Variants in USP34 observed in about 807,000 individuals in gnomAD.
The protein encoded by USP34 is ubiquitin carboxyl-terminal hydrolase 34.
USP34 carries 70 observed loss-of-function variants against 460.3 expected under a neutral mutation model. That is an observed-to-expected ratio of 0.15 (90% CI 0.13 to 0.19). The LOEUF is 0.19. USP34 is among the 10% of genes least tolerant of loss of function. The pLI is 1.00. For missense variants in USP34, 3,985 were observed against 4,236.2 expected (o/e 0.94, Z 1.65); for synonymous variants, 1,647 against 1,405.3 (o/e 1.17, Z -3.85).
rs191250105 is a variant in USP34, at chr2:61,387,809, G to A, written c.754-4473C>T. 2.6e-3 allele frequency among the ~76,000 whole-genome samples: 367 copies of A among 141,356 alleles called. 4 individuals carry two copies. The highest frequency in any genetic ancestry group is 0.02 in the East Asian group (98 of 4,916). The allele number at this position is 141,356 out of a possible 152,430, so 92.7% of individuals were successfully genotyped here. A position where few individuals can be genotyped will look rare whatever the true frequency, so the allele number is the denominator to read the frequency against. On this transcript the variant is annotated intron_variant, in intron 5 of 79. Transcript: ENST00000398571. ...ACACACATGTAAAAATATATTTTAC[G>A]TATACACACATGTAAAAATATATTT...
intron 1 of USP34, among the ~76,000 whole-genome samples, chr2:61,430,300 A>C (rs1205472045): frequency 1.3e-5 from 2 of 152,134 alleles, no homozygotes; most frequent in Non-Finnish European, 2.9e-5. Context: ...GCTACTCAGT[A>C]GGCTGAGGCA....
At position 61,190,390 on chromosome 2, in the gene USP34, C is replaced by T. The variant is rs1686600882; in HGVS notation, c.9754G>A (p.Ala3252Thr). The T allele has an allele frequency of 6.2e-7, 1 of 1,609,456 alleles. No homozygotes were observed. The highest frequency in any genetic ancestry group is 8.5e-7 in the Non-Finnish European group (1 of 1,178,726). The change falls in exon 78 of 80, where the codon GCA (alanine) becomes ACA (threonine). Residue 3252 changes from alanine to threonine, a missense_variant. Coordinates refer to ENST00000398571, the MANE Select transcript of USP34 (RefSeq NM_014709.4). Reference protein sequence around the residue: ...LKVQSQVFSEANCANLISTLI... With the variant: ...LKVQSQVFSETNCANLISTLI... The stretch of plus-strand genomic sequence containing the variant: ...GTGCTGATCAAATTGGCACAGTTTG[C>T]TTCAGAAAACACTTGACTTTGAACC...
At chr2:61,440,387 C>A (rs896026701) in intron 1 of USP34, among the ~76,000 whole-genome samples, 2 of 152,152 alleles carry the variant, frequency 1.3e-5, no homozygotes, top group Admixed American at 1.3e-4. Context: ...AATGTCATGG[C>A]AGCTGTGCCC....
At chr2:61,320,947 T>C (rs1429476836) in intron 21 of USP34, among the ~76,000 whole-genome samples, 1 of 150,582 alleles carries the variant, frequency 6.6e-6, no homozygotes, top group East Asian at 2.0e-4. Flanking sequence ...GAGGTGGAGG[T>C]TGCAGTGAGC....
Position 61,221,580 on chromosome 2 carries a change from C to G in USP34, c.7821G>C (p.Leu2607Phe). The G allele has an allele frequency of 6.2e-7, 1 of 1,614,022 alleles. No individual in the cohort carries two copies. Among genetic ancestry groups the G allele is most frequent in the Non-Finnish European group, 8.5e-7 (1 of 1,179,964 alleles). Residue 2607 changes from leucine to phenylalanine, a missense_variant, in exon 66 of 80, where the codon TTG becomes TTC. By Grantham distance (22) the Leu-to-Phe change is conservative. Transcript: ENST00000398571. ...CACCAGCAAACTCCATTAGCATAGTCAACAACTTAAAGAAAGGATTGGCTG... is the reference window on the plus strand; with the variant it reads ...CACCAGCAAACTCCATTAGCATAGTGAACAACTTAAAGAAAGGATTGGCTG... ...PEAANPFFKL[L>F]TMLMEFAGGP...
At chr2:61,359,704 T>TA (rs768522756) in intron 10 of USP34, among the ~76,000 whole-genome samples, 24 of 143,378 alleles carry the variant, frequency 1.7e-4, no homozygotes, top group Non-Finnish European at 2.9e-4. Context: ...CCATTCATGA[T>TA]AAAAACGCTC....
At chr2:61,318,638 T>A (rs1183272420) in intron 22 of USP34, among the ~76,000 whole-genome samples, 1 of 152,214 alleles carries the variant, frequency 6.6e-6, no homozygotes, top group Non-Finnish European at 1.5e-5. Flanking sequence ...CAGAAAAATG[T>A]CACCTGAACT....
intron 62 of USP34, among the ~76,000 whole-genome samples, chr2:61,225,893 T>C (rs1687712312): frequency 6.6e-6 from 1 of 152,228 alleles, no homozygotes; most frequent in African/African-American, 2.4e-5. Context: ...CTATAAGTCA[T>C]ATCATGGCCT....
chr2:61,384,900 A>C (rs1693089369), intron 5 of USP34, among the ~76,000 whole-genome samples: 1 of 152,114 alleles, frequency 6.6e-6, no homozygotes, highest in Non-Finnish European at 1.5e-5. Flanking sequence ...AATAAAAGGC[A>C]AAGGACTAGA....
chr2:61,217,214 C>A (rs916911101), intron 67 of USP34, among the ~76,000 whole-genome samples: 1 of 152,198 alleles, frequency 6.6e-6, no homozygotes, highest in African/African-American at 2.4e-5. Flanking sequence ...TTTGGAAGAA[C>A]AGGCCATCTT....
chr2:61,194,232 A>T (rs1686727891), intron 75 of USP34: 2 of 985,274 alleles, frequency 2.0e-6, no homozygotes, highest in Non-Finnish European at 1.2e-6. Flanking sequence ...GTCCCTTTAG[A>T]CACAAGAGGC....
chr2:61,220,856 G>A (rs773422582), intron 66 of USP34, among the ~76,000 whole-genome samples: 1 of 152,192 alleles, frequency 6.6e-6, no homozygotes, highest in African/African-American at 2.4e-5. Context: ...TACTGCTGTG[G>A]AGAGTTTCTT....
intron 67 of USP34, among the ~76,000 whole-genome samples, chr2:61,219,907 T>C (rs1687509904): frequency 6.6e-6 from 1 of 152,152 alleles, no homozygotes; most frequent in African/African-American, 2.4e-5. Flanking sequence ...AGATCTTTTT[T>C]ACTGGCTTGT....
At chr2:61,261,105 C>T (rs982375011) in intron 43 of USP34, among the ~76,000 whole-genome samples, 1 of 152,136 alleles carries the variant, frequency 6.6e-6, no homozygotes, top group African/African-American at 2.4e-5. Flanking sequence ...AAGGCTATTC[C>T]TCAAAAAACT....
Position 61,319,311 on chromosome 2 carries a change from T to G in USP34, c.3030A>C (p.Gln1010His), listed in dbSNP as rs1381892704. Residue 1010 changes from glutamine to histidine, a missense_variant, in exon 22 of 80, where the codon CAA becomes CAC. Transcript: ENST00000398571. ...SPDHFRLSLEQVDILWHCLVE... is the reference protein window; with the variant it reads ...SPDHFRLSLEHVDILWHCLVE... ...CTAAACAATGCCATAAGATGTCAAC[T>G]TGCTCTAAACTTAACCCTAGATAAA... The G allele has an allele frequency of 6.4e-7, 1 of 1,560,358 alleles. No individual in the cohort carries two copies. The highest frequency in any genetic ancestry group is 2.3e-5 in the East Asian group (1 of 42,926).
At chr2:61,287,527 A>G (rs532334337) in intron 34 of USP34, among the ~76,000 whole-genome samples, 155 of 152,304 alleles carry the variant, frequency 1.0e-3, no homozygotes, top group African/African-American at 3.6e-3. Flanking sequence ...TGGCACTCCT[A>G]AGGCAGCAAG....
At chr2:61,460,264 C>T (rs749792370) in intron 1 of USP34, among the ~76,000 whole-genome samples, 2 of 152,048 alleles carry the variant, frequency 1.3e-5, no homozygotes, top group Non-Finnish European at 2.9e-5. Context: ...TTTAAATTGC[C>T]ATTCCGAGTG....
intron 18 of USP34, among the ~76,000 whole-genome samples, chr2:61,337,292 ATTGTGT>A (rs1691451535): frequency 6.6e-6 from 1 of 152,024 alleles, no homozygotes; most frequent in Non-Finnish European, 1.5e-5. Context: ...TTCTTGCAAC[ATTGTGT>A]TTGTGAAATT....
At chr2:61,299,989 T>G (rs1001082091) in intron 29 of USP34, among the ~76,000 whole-genome samples, 6 of 152,164 alleles carry the variant, frequency 3.9e-5, no homozygotes, top group African/African-American at 1.4e-4. Flanking sequence ...CTTCATTCCC[T>G]ACTCCTAAAA....
Sources: allele counts gnomAD v4.1 joint callset (sites outside exome capture counted in the v4.1 genomes callset), GRCh38; gene constraint gnomAD v4.1.1; transcripts MANE v1.5; gene names NCBI Gene and HGNC (gene_info 2026-07-23, HGNC 2026-07-21).